Variants in RBFOX1 observed in about 807,000 individuals in gnomAD.
RBFOX1 encodes RNA binding fox-1 homolog 1, also known as RNA binding protein fox-1 homolog 1.
A neutral mutation model predicts 57.7 loss-of-function variants in RBFOX1; 8 were observed. That is an observed-to-expected ratio of 0.14 (90% CI 0.08 to 0.25). RBFOX1 has a LOEUF of 0.25. Ranked by LOEUF, RBFOX1 falls within the 10% of genes least tolerant of loss-of-function variation. The pLI, the probability that RBFOX1 is intolerant of heterozygous loss-of-function variation, is 1.00. For missense variants in RBFOX1, 611 were observed against 548.5 expected (o/e 1.11, Z -1.14); for synonymous variants, 326 against 222.4 (o/e 1.47, Z -4.15).
At chr16:5,305,300 G>T (rs1456202869) in intron 1 of RBFOX1, among the ~76,000 whole-genome samples, 1 of 152,114 alleles carries the variant, frequency 6.6e-6, no homozygotes, top group African/African-American at 2.4e-5. Context: ...GCACCACACA[G>T]GCTTTTATTG....
At chr16:6,681,746 TAATA>T (rs2058684452) in intron 3 of RBFOX1, among the ~76,000 whole-genome samples, 1 of 152,036 alleles carries the variant, frequency 6.6e-6, no homozygotes, top group African/African-American at 2.4e-5. Flanking sequence ...ATAATATAAT[TAATA>T]GACATAACCA....
intron 3 of RBFOX1, among the ~76,000 whole-genome samples, chr16:5,791,386 T>G (rs965381818): frequency 6.6e-6 from 1 of 152,210 alleles, no homozygotes; most frequent in Non-Finnish European, 1.5e-5. Context: ...GTCATTATTT[T>G]AAGGCCTTTA....
chr16:6,250,730 A>G (rs72776434), intron 1 of RBFOX1, among the ~76,000 whole-genome samples: 1,852 of 152,208 alleles, frequency 0.012, 17 homozygotes, highest in Non-Finnish European at 0.02. Context: ...AGACCAGAGA[A>G]CCAGGGCACT....
At chr16:5,905,608 G>T (rs981210173) in intron 4 of RBFOX1, among the ~76,000 whole-genome samples, 1 of 152,152 alleles carries the variant, frequency 6.6e-6, no homozygotes, top group Non-Finnish European at 1.5e-5. Flanking sequence ...GGCTGTTCAG[G>T]AGGCTGAGCC....
intron 3 of RBFOX1, among the ~76,000 whole-genome samples, chr16:6,959,430 A>G (rs530159622): frequency 4.6e-5 from 7 of 152,318 alleles, no homozygotes; most frequent in Middle Eastern, 3.4e-3. Context: ...TTATCACAGC[A>G]GGGATGAAGG....
chr16:6,717,965 T>C (rs570700730), intron 3 of RBFOX1, among the ~76,000 whole-genome samples: 39 of 152,210 alleles, frequency 2.6e-4, no homozygotes, highest in Non-Finnish European at 5.1e-4. Flanking sequence ...AAATAAATTC[T>C]GTAGGTGGCC....
chr16:7,092,821 T>A (rs969904324), intron 4 of RBFOX1, among the ~76,000 whole-genome samples: 1 of 152,220 alleles, frequency 6.6e-6, no homozygotes, highest in Non-Finnish European at 1.5e-5. Flanking sequence ...TTTCTTCAAG[T>A]ATTCTGTCCC....
intron 3 of RBFOX1, among the ~76,000 whole-genome samples, chr16:6,848,047 G>A (rs1386130101): frequency 6.6e-6 from 1 of 151,946 alleles, no homozygotes; most frequent in Non-Finnish European, 1.5e-5. Flanking sequence ...GGCCAGGCTG[G>A]TCTCCAACTC....
intron 3 of RBFOX1, among the ~76,000 whole-genome samples, chr16:6,862,416 A>T (rs1480075960): frequency 6.6e-6 from 1 of 152,144 alleles, no homozygotes; most frequent in African/African-American, 2.4e-5. Context: ...AGTCAAATAA[A>T]AATCCTTTCA....
chr16:7,037,772 C>T (rs1006194983), intron 3 of RBFOX1, among the ~76,000 whole-genome samples: 16 of 152,118 alleles, frequency 1.1e-4, no homozygotes, highest in African/African-American at 3.9e-4. Flanking sequence ...AGCTTTGAAC[C>T]TTGGAAGTCT....
intron 2 of RBFOX1, among the ~76,000 whole-genome samples, chr16:6,323,916 G>A (rs2152793855): frequency 6.6e-6 from 1 of 152,174 alleles, no homozygotes; most frequent in Middle Eastern, 3.4e-3. Flanking sequence ...GGTATTATAG[G>A]TGTGTGCCAT....
chr16:6,955,650 C>G lies in RBFOX1; in HGVS notation c.-15-96407C>G, dbSNP rs371821482. ...AGAGAAAATTAATAGTATTTTTCAT[C>G]TTTTGCTACACCACCACTTTATTTA... On this transcript the variant is annotated intron_variant, in intron 3 of 15. Coordinates refer to ENST00000550418, the MANE Select transcript of RBFOX1 (RefSeq NM_018723.4). Among the ~76,000 whole-genome samples, 17 of 151,874 alleles carry G rather than the reference C, an allele frequency of 1.1e-4. No individual in the cohort carries two copies. The East Asian group carries it at 2.9e-3, about 26-fold the overall frequency.
chr16:5,729,549 T>C (rs1403583692), intron 3 of RBFOX1, among the ~76,000 whole-genome samples: 2 of 152,210 alleles, frequency 1.3e-5, no homozygotes, highest in East Asian at 3.9e-4. Context: ...AGACCTGCTA[T>C]ATTTTACAAG....
intron 3 of RBFOX1, among the ~76,000 whole-genome samples, chr16:6,781,292 A>G (rs896397517): frequency 2.0e-5 from 3 of 152,100 alleles, no homozygotes; most frequent in African/African-American, 7.2e-5. Context: ...TTTGATCATG[A>G]TGAATGATCT....
intron 4 of RBFOX1, among the ~76,000 whole-genome samples, chr16:7,259,704 A>G (rs1030709502): frequency 3.4e-4 from 51 of 152,228 alleles, no homozygotes; most frequent in Non-Finnish European, 1.2e-4. Flanking sequence ...ATGTTTATAC[A>G]TCACTCACTT....
At position 7,705,218 on chromosome 16, in the gene RBFOX1, C is replaced by G. The variant is rs148397589; in HGVS notation, c.996-3838C>G. ...TGTGTGCAGGAACGATCAAGAAAGCCTGTGTGGGCCGGGCATGGTGGCTCA... is the reference window on the plus strand; with the variant it reads ...TGTGTGCAGGAACGATCAAGAAAGCGTGTGTGGGCCGGGCATGGTGGCTCA... On this transcript the variant is annotated intron_variant, in intron 14 of 15. Transcript: ENST00000550418. 4.6e-5 allele frequency among the ~76,000 whole-genome samples: 7 copies of G among 151,480 alleles called. No individual in the cohort carries two copies. The East Asian group carries it at 1.4e-3, about 30-fold the overall frequency.
chr16:5,801,036 C>G (rs746756629), intron 3 of RBFOX1, among the ~76,000 whole-genome samples: 1 of 152,110 alleles, frequency 6.6e-6, no homozygotes, highest in Admixed American at 6.5e-5. Flanking sequence ...GCCCTCTGAT[C>G]ACAGGATTGC....
At chr16:7,381,372 C>A (rs2147958626) in intron 4 of RBFOX1, among the ~76,000 whole-genome samples, 1 of 152,114 alleles carries the variant, frequency 6.6e-6, no homozygotes, top group East Asian at 1.9e-4. Flanking sequence ...AGAAAGAAAA[C>A]CATATTTGAA....
intron 2 of RBFOX1, among the ~76,000 whole-genome samples, chr16:6,542,837 A>G (rs2096842598): frequency 6.6e-6 from 1 of 151,992 alleles, no homozygotes; most frequent in Non-Finnish European, 1.5e-5. Flanking sequence ...TGGGTGCCAC[A>G]GTTACCATCT....
Sources: gnomAD v4.1 joint callset for allele counts (sites outside exome capture counted in the v4.1 genomes callset) on GRCh38, gnomAD v4.1.1 for gene constraint, MANE v1.5 for transcripts, NCBI Gene and HGNC (gene_info 2026-07-23, HGNC 2026-07-21) for gene names.